SH3PXD2B: variants seen among roughly 807,000 people sequenced by gnomAD.
The protein encoded by SH3PXD2B is SH3 and PX domain-containing protein 2B.
In SH3PXD2B, 37 loss-of-function variants were observed where a neutral mutation model predicts 73.1. The observed-to-expected ratio is 0.51, with a 90% CI of 0.39 to 0.67. The LOEUF is 0.67. Among genes scored for constraint, SH3PXD2B ranks in the 30% least tolerant of loss-of-function variants. The probability of loss-of-function intolerance (pLI) is 0.00; values close to 1 mark genes in which losing one functional copy is unlikely to be tolerated. For synonymous variants in SH3PXD2B, 457 were observed against 480.5 expected, an observed-to-expected ratio of 0.95 and a Z score of 0.64; for missense variants, 1,053 against 1,197.8, an observed-to-expected ratio of 0.88 and a Z score of 1.78.
chr5:172,353,949 G>C lies in SH3PXD2B; in HGVS notation c.724C>G (p.Leu242Val). Residue 242 changes from leucine (L) to valine (V), a missense_variant, in exon 9 of 13, where the codon CTG becomes GTG. By Grantham distance (32) the Leu-to-Val change is conservative. Coordinates refer to ENST00000311601, the MANE Select transcript of SH3PXD2B (RefSeq NM_001017995.3). The surrounding 1 kb of genome is among the most constrained non-coding windows in gnomAD (Gnocchi z 4.3). The part of the protein sequence containing the change: ...YTARDQDEMN[L>V]ERGAVVEVIQ... The stretch of plus-strand genomic sequence containing the variant: ...ACCTCCACCACAGCCCCTCTCTCCA[G>C]GTTCATTTCATCCTGGTCCCGAGCT... The C allele has an allele frequency of 1.9e-6, 3 of 1,614,074 alleles. No individual in the cohort carries two copies. Among genetic ancestry groups the C allele is most frequent in the Non-Finnish European group, 2.5e-6 (3 of 1,180,030 alleles).
At chr5:172,350,317 C>A in intron 10 of SH3PXD2B, 46 bp downstream of exon 10, 1 of 1,589,578 alleles carries the variant, frequency 6.3e-7, no homozygotes, top group Non-Finnish European at 8.6e-7. Context: ...ACAGAGCTGG[C>A]ACACAGGGGC....
At position 172,338,142 on chromosome 5, in the gene SH3PXD2B, G is replaced by T; in HGVS notation, c.*227C>A. 7.0e-7 allele frequency: 1 copy of T among 1,437,520 alleles called. No individual in the cohort carries two copies. Among genetic ancestry groups the T allele is most frequent in the Non-Finnish European group, 9.1e-7 (1 of 1,101,848 alleles). The allele number at this position is 1,437,520 out of a possible 1,614,324, so 89.0% of individuals were successfully genotyped here. ...GATGCTGACATGGACAGAAAGCAAA[G>T]GCTGTGGGTTCTGAGCCTCCAGTGA... On this transcript the variant is annotated 3_prime_UTR_variant, in exon 13 of 13. Coordinates refer to ENST00000311601, the MANE Select transcript of SH3PXD2B (RefSeq NM_001017995.3). The surrounding 1 kb of genome is among the most constrained non-coding windows in gnomAD (Gnocchi z 5.1).
At chr5:172,361,940 T>C (rs997045235) in intron 7 of SH3PXD2B, among the ~76,000 whole-genome samples, 1 of 152,328 alleles carries the variant, frequency 6.6e-6, no homozygotes, top group Admixed American at 6.5e-5. Context: ...TAACGTCACA[T>C]GTTAGCCACA....
chr5:172,335,112 T>C lies in SH3PXD2B; in HGVS notation c.*3257A>G. 1.0e-6 allele frequency: 1 copy of C among 986,182 alleles called. No homozygotes were observed. Among genetic ancestry groups the C allele is most frequent in the Non-Finnish European group, 1.2e-6 (1 of 830,506 alleles). 61.1% of individuals were successfully genotyped at this position (986,182 alleles called of 1,614,324 possible). On this transcript the variant is annotated 3_prime_UTR_variant, in exon 13 of 13. Coordinates refer to ENST00000311601, the MANE Select transcript of SH3PXD2B (RefSeq NM_001017995.3). Reference sequence around the variant, plus strand: ...CGAGCAGAACATGTGAGCAAAGGCCTCTTTTATCAAGAGGTGGTCTTAGAC... The same window carrying C: ...CGAGCAGAACATGTGAGCAAAGGCCCCTTTTATCAAGAGGTGGTCTTAGAC...
In SH3PXD2B at chr5:172,421,017, A is replaced by G. The variant is rs1031132729; in HGVS notation, c.156+1399T>C. Among the ~76,000 whole-genome samples the G allele has an allele frequency of 6.6e-6, 1 of 152,222 alleles. No individual in the cohort carries two copies. The highest frequency in any genetic ancestry group is 2.1e-4 in the South Asian group (1 of 4,836). ...CGCGAAAAAACCTCCTGTTTACTTCAGCCAGCTTCAGTTGGGTTTCTGTCA... is the reference window on the plus strand; with the variant it reads ...CGCGAAAAAACCTCCTGTTTACTTCGGCCAGCTTCAGTTGGGTTTCTGTCA... On this transcript the variant is annotated intron_variant, in intron 2 of 12. Coordinates refer to ENST00000311601, the MANE Select transcript of SH3PXD2B (RefSeq NM_001017995.3). The surrounding 1 kb of genome is among the most constrained non-coding windows in gnomAD (Gnocchi z 4.0).
exon 13 of SH3PXD2B, chr5:172,325,217 A>G: frequency 7.9e-7 from 1 of 1,268,260 alleles, no homozygotes; most frequent in Non-Finnish European, 1.1e-6. Flanking sequence ...ACAAAAAAAA[A>G]TACAGTAAAA....
chr5:172,414,077 T>G (rs1380134725), intron 2 of SH3PXD2B, among the ~76,000 whole-genome samples: 1 of 152,164 alleles, frequency 6.6e-6, no homozygotes, highest in Non-Finnish European at 1.5e-5. Flanking sequence ...GCCTCTGCAG[T>G]GGAGCATGGG....
intron 1 of SH3PXD2B, 145 bp downstream of exon 1, chr5:172,454,133 G>A (rs1478658126): frequency 9.4e-6 from 5 of 534,120 alleles, no homozygotes; most frequent in African/African-American, 8.1e-5. Flanking sequence ...GGAGGGACCC[G>A]GGCAGCGCCG....
At chr5:172,380,654 T>C (rs1757923206) in intron 5 of SH3PXD2B, among the ~76,000 whole-genome samples, 1 of 152,218 alleles carries the variant, frequency 6.6e-6, no homozygotes, top group South Asian at 2.1e-4. Context: ...ATTTATATTA[T>C]TCTGTATCTT....
At chr5:172,348,668 TATC>T (rs1252474589) in intron 10 of SH3PXD2B, among the ~76,000 whole-genome samples, 17 of 49,962 alleles carry the variant, frequency 3.4e-4, no homozygotes, top group African/African-American at 1.1e-3. Flanking sequence ...TCTATCTATC[TATC>T]TATCTATCTA....
chr5:172,343,778 C>G (rs564802601), intron 12 of SH3PXD2B, among the ~76,000 whole-genome samples: 1 of 151,770 alleles, frequency 6.6e-6, no homozygotes, highest in Non-Finnish European at 1.5e-5. Context: ...ACACTCTAGC[C>G]TGGGTGACAG....
intron 1 of SH3PXD2B, among the ~76,000 whole-genome samples, chr5:172,424,260 G>A (rs17704595): frequency 0.061 from 9,289 of 152,234 alleles, 424 homozygotes; most frequent in African/African-American, 0.13. Context: ...GGTTGATACC[G>A]GAAGTGGGCA....
At chr5:172,365,691 G>A (rs921366849) in intron 6 of SH3PXD2B, among the ~76,000 whole-genome samples, 4 of 152,300 alleles carry the variant, frequency 2.6e-5, no homozygotes, top group East Asian at 1.9e-4. Flanking sequence ...GCTGCTTCAC[G>A]TCCCCTTCCT....
Position 172,335,058 on chromosome 5 carries a change from A to G in SH3PXD2B, c.*3311T>C, listed in dbSNP as rs753396777. On this transcript the variant is annotated 3_prime_UTR_variant, in exon 13 of 13. Coordinates refer to ENST00000311601, the MANE Select transcript of SH3PXD2B (RefSeq NM_001017995.3). ...CTCCCGCAGTCTCAGCTGGGACGAC[A>G]TACACCCACCAATGGCAAAGAAAGA... The G allele has an allele frequency of 5.4e-5, 53 of 985,492 alleles. No homozygotes were observed. The highest frequency in any genetic ancestry group is 6.4e-5 in the Non-Finnish European group (53 of 829,986). The allele number at this position is 985,492 out of a possible 1,614,324, so 61.0% of individuals were successfully genotyped here.
intron 1 of SH3PXD2B, among the ~76,000 whole-genome samples, chr5:172,450,324 A>G (rs1289890119): frequency 6.6e-6 from 1 of 151,632 alleles, no homozygotes; most frequent in Non-Finnish European, 1.5e-5. Flanking sequence ...GAGGGGCAGC[A>G]TCGGGGAGGG....
downstream of SH3PXD2B, among the ~76,000 whole-genome samples, chr5:172,331,340 C>A (rs1756551209): frequency 6.6e-6 from 1 of 152,192 alleles, no homozygotes; most frequent in Admixed American, 6.5e-5. Context: ...ATGGATTTCT[C>A]AGGATGCTGA....
chr5:172,374,752 A>G (rs1757786866), intron 5 of SH3PXD2B, among the ~76,000 whole-genome samples: 1 of 152,182 alleles, frequency 6.6e-6, no homozygotes, highest in African/African-American at 2.4e-5. Context: ...AAGCACTTTA[A>G]GTTATCTCAT....
rs1758958964 is a variant in SH3PXD2B, at chr5:172,421,346, C to G, written c.156+1070G>C. 6.6e-6 allele frequency among the ~76,000 whole-genome samples: 1 copy of G among 152,222 alleles called. No individual in the cohort carries two copies. The highest frequency in any genetic ancestry group is 1.5e-5 in the Non-Finnish European group (1 of 68,042). On this transcript the variant is annotated intron_variant, in intron 2 of 12. Transcript: ENST00000311601. The surrounding 1 kb of genome is among the most constrained non-coding windows in gnomAD (Gnocchi z 4.0). ...GGGGATGTGCTTATACCGAGCTGTT[C>G]ACATTCTGCCTGGCTCCCTATAAGA... is the stretch of plus-strand genomic sequence containing the variant.
chr5:172,424,236 C>T (rs879621695), intron 1 of SH3PXD2B, among the ~76,000 whole-genome samples: 1 of 152,194 alleles, frequency 6.6e-6, no homozygotes, highest in Non-Finnish European at 1.5e-5. Flanking sequence ...TTCTGACCCA[C>T]GTAATCCAGT....
Sources: gnomAD v4.1 joint callset for allele counts (sites outside exome capture counted in the v4.1 genomes callset) on GRCh38, gnomAD v4.1.1 for gene constraint, Gnocchi (gnomAD v3.1) non-coding constraint, MANE v1.5 for transcripts, NCBI Gene and HGNC (gene_info 2026-07-23, HGNC 2026-07-21) for gene names.